Variants in JMJD1C observed in about 807,000 individuals in gnomAD.
JMJD1C encodes jumonji domain containing 1C, also known as jumonji domain-containing protein 1C.
Under a neutral mutation model 245.3 loss-of-function variants are expected in JMJD1C, and 31 were observed. The ratio of observed to expected loss-of-function variants is 0.13; its 90% CI spans 0.09 to 0.17. The LOEUF (loss-of-function observed/expected upper bound fraction) is 0.17. JMJD1C is among the 10% of genes least tolerant of loss of function. JMJD1C has a pLI of 1.00. For synonymous variants in JMJD1C, 1,057 were observed against 1,017.4 expected (o/e 1.04, Z -0.74); for missense variants, 2,691 against 3,000.2 (o/e 0.90, Z 2.41).
intron 2 of JMJD1C, among the ~76,000 whole-genome samples, chr10:63,375,535 C>T (rs1023410424): frequency 1.4e-5 from 2 of 147,374 alleles, no homozygotes; most frequent in African/African-American, 2.5e-5. Flanking sequence ...AATATTTACA[C>T]GTGTGTGTGT....
At chr10:63,218,262 CCTT>C (rs1221628226) in intron 4 of JMJD1C, among the ~76,000 whole-genome samples, 1 of 152,012 alleles carries the variant, frequency 6.6e-6, no homozygotes, top group Non-Finnish European at 1.5e-5. Context: ...TTCTGATATT[CCTT>C]CTTCTACAGT....
chr10:63,437,185 T>C (rs907799857), intron 1 of JMJD1C, among the ~76,000 whole-genome samples: 5 of 152,136 alleles, frequency 3.3e-5, no homozygotes, highest in Non-Finnish European at 5.9e-5. Flanking sequence ...GGGAAATGAA[T>C]GATGAATTCA....
chr10:63,220,125 G>C (rs1366249428), intron 3 of JMJD1C, 142 bp from the exon 4 acceptor site: 1 of 524,444 alleles, frequency 1.9e-6, no homozygotes, highest in Non-Finnish European at 3.4e-6. Flanking sequence ...ATGAGTTATA[G>C]TTCATTGGCA....
At position 63,217,299 on chromosome 10, in the gene JMJD1C, C is replaced by G; in HGVS notation, c.586G>C (p.Val196Leu). 1 of 1,606,782 alleles carries G rather than the reference C, an allele frequency of 6.2e-7. No individual in the cohort carries two copies. Among genetic ancestry groups the G allele is most frequent in the Admixed American group, 1.7e-5 (1 of 59,080 alleles). The change falls in exon 5 of 26, where the codon GTA becomes CTA. Residue 196 changes from valine (V) to leucine (L), a missense_variant. Val to Leu is a conservative substitution (Grantham distance 32, BLOSUM62 1). Coordinates refer to ENST00000399262, the MANE Select transcript of JMJD1C (RefSeq NM_032776.3). ...TGGGTGGCAGAGTCTTGTCTATATA[C>G]TCTCACTCTGTATCCATTTAAGGAA... ...PYSLNGYRVR[V>L]YRQDSATQWF...
chr10:63,336,098 G>T (rs577226238), intron 2 of JMJD1C, among the ~76,000 whole-genome samples: 16 of 152,240 alleles, frequency 1.1e-4, no homozygotes, highest in Admixed American at 1.3e-4. Flanking sequence ...TCCAGCCTGA[G>T]TGACAGAGTG....
At chr10:63,285,653 T>C (rs1225264773) in intron 2 of JMJD1C, among the ~76,000 whole-genome samples, 1 of 151,928 alleles carries the variant, frequency 6.6e-6, no homozygotes, top group Admixed American at 6.6e-5. Context: ...ACAAAAAATA[T>C]AAAAATTAGC....
At chr10:63,220,585 G>C (rs1210940044) in intron 3 of JMJD1C, among the ~76,000 whole-genome samples, 1 of 152,118 alleles carries the variant, frequency 6.6e-6, no homozygotes, top group Non-Finnish European at 1.5e-5. Context: ...CTCATAACAG[G>C]CTGGATCTAG....
At chr10:63,267,538 C>CTAAAG (rs1271945241) in intron 2 of JMJD1C, among the ~76,000 whole-genome samples, 1 of 152,084 alleles carries the variant, frequency 6.6e-6, no homozygotes, top group East Asian at 1.9e-4. Context: ...ATTCAACACT[C>CTAAAG]TAAAGATATA....
intron 2 of JMJD1C, among the ~76,000 whole-genome samples, chr10:63,339,458 G>C (rs912937916): frequency 3.9e-5 from 6 of 151,984 alleles, no homozygotes; most frequent in Non-Finnish European, 8.8e-5. Flanking sequence ...ATAATGACTA[G>C]AGTAGATGCA....
At chr10:63,288,369 C>A (rs576221318) in intron 2 of JMJD1C, among the ~76,000 whole-genome samples, 1 of 152,250 alleles carries the variant, frequency 6.6e-6, no homozygotes, top group African/African-American at 2.4e-5. Flanking sequence ...TCTGAATGTA[C>A]CACAGCTTAT....
At chr10:63,218,045 A>G (rs1428193569) in intron 4 of JMJD1C, among the ~76,000 whole-genome samples, 1 of 152,118 alleles carries the variant, frequency 6.6e-6, no homozygotes, top group African/African-American at 2.4e-5. Context: ...ATTCACAGGT[A>G]TTAAAATGGT....
At chr10:63,312,833 T>C (rs755478838) in intron 2 of JMJD1C, among the ~76,000 whole-genome samples, 16 of 152,244 alleles carry the variant, frequency 1.1e-4, no homozygotes, top group Non-Finnish European at 1.9e-4. Flanking sequence ...ATTTCCAATT[T>C]AATTATACTT....
chr10:63,362,598 G>A (rs922285685), intron 2 of JMJD1C, among the ~76,000 whole-genome samples: 1 of 151,984 alleles, frequency 6.6e-6, no homozygotes, highest in Non-Finnish European at 1.5e-5. Context: ...TCCCGCCTCA[G>A]CCTCCCAAGT....
At chr10:63,278,048 A>C (rs1856992724) in intron 2 of JMJD1C, among the ~76,000 whole-genome samples, 1 of 150,764 alleles carries the variant, frequency 6.6e-6, no homozygotes, top group African/African-American at 2.4e-5. Flanking sequence ...TTTAATAAAA[A>C]CAAAAGTTAT....
rs763383360 is a variant in JMJD1C, at chr10:63,206,751, G to C, written c.4918C>G (p.Gln1640Glu). The change falls in exon 10 of 26, where the codon CAA becomes GAA. Residue 1640 changes from glutamine (Q) to glutamate (E), a missense_variant. Gln to Glu is a conservative substitution (Grantham distance 29). This residue lies in a region of JMJD1C where 144 missense variants were observed against 143.3 expected (regional missense o/e 1.00). Transcript: ENST00000399262. ...GGCTTAGGTTGTCTTTTAGTCCTTT[G>C]CTCTGACTTGCTTTCACTTTCATCT... The part of the protein sequence containing the change: ...DSDESESKSE[Q>E]RTKRQPKPTY... 1.9e-6 allele frequency: 3 copies of C among 1,612,632 alleles called. No individual in the cohort carries two copies. Among genetic ancestry groups the C allele is most frequent in the South Asian group, 2.2e-5 (2 of 90,514 alleles).
At chr10:63,178,838 C>T (rs190680669) in intron 22 of JMJD1C, among the ~76,000 whole-genome samples, 21 of 152,212 alleles carry the variant, frequency 1.4e-4, no homozygotes, top group African/African-American at 4.8e-4. Context: ...AGTGTAGGAC[C>T]ACAGGAAGGT....
chr10:63,183,531 T>C lies in JMJD1C; in HGVS notation c.7000A>G (p.Asn2334Asp). 6.2e-7 allele frequency: 1 copy of C among 1,604,940 alleles called. No homozygotes were observed. Among genetic ancestry groups the C allele is most frequent in the Non-Finnish European group, 8.5e-7 (1 of 1,174,244 alleles). Residue 2334 changes from asparagine (N) to aspartate (D), a missense_variant, in exon 22 of 26, where the codon AAT (asparagine) becomes GAT (aspartate). Asn to Asp is a conservative substitution (Grantham distance 23). Coordinates refer to ENST00000399262, the MANE Select transcript of JMJD1C (RefSeq NM_032776.3). ...AAKDHDIGTTNLHIEVSDVVN... is the reference protein window; with the variant it reads ...AAKDHDIGTTDLHIEVSDVVN... The stretch of plus-strand genomic sequence containing the variant: ...ACATCAGAAACTTCAATATGGAGAT[T>C]TGTTGTTCCTATATCATGATCTTTA...
chr10:63,478,549 T>C (rs1953731490), intron 1 of JMJD1C, among the ~76,000 whole-genome samples: 1 of 152,162 alleles, frequency 6.6e-6, no homozygotes, highest in East Asian at 1.9e-4. Flanking sequence ...AAAAGAAACA[T>C]TATACTTTTG....
rs1947987001 is a variant in JMJD1C, at chr10:63,390,736, A to AC, written c.169-10255_169-10254insG. On this transcript the variant is annotated intron_variant, in intron 1 of 25. Transcript: ENST00000399262. ...ATGCAAGGATGGTTCAACATATGTA[A>AC]ATCGACAGTCATGAATCATCTTAAT... is the stretch of plus-strand genomic sequence containing the variant. Among the ~76,000 whole-genome samples the AC allele has an allele frequency of 3.3e-5, 5 of 152,344 alleles. No individual in the cohort carries two copies. In the South Asian group the frequency reaches 1.0e-3, roughly 32 times the overall value.
Sources: allele counts gnomAD v4.1 joint callset (sites outside exome capture counted in the v4.1 genomes callset), GRCh38; gene constraint gnomAD v4.1.1; regional missense constraint gnomAD v4.1.1; transcripts MANE v1.5; gene names NCBI Gene and HGNC (gene_info 2026-07-23, HGNC 2026-07-21).